DOCK3: variants seen among roughly 807,000 people sequenced by gnomAD.
DOCK3 encodes dedicator of cytokinesis protein 3.
A neutral mutation model predicts 265.6 loss-of-function variants in DOCK3; 60 were observed. The observed-to-expected ratio is 0.23, with a 90% CI of 0.18 to 0.28. DOCK3 has a LOEUF of 0.28. Among genes scored for constraint, DOCK3 ranks in the 10% least tolerant of loss-of-function variants. The pLI is 1.00. For synonymous variants in DOCK3, 881 were observed against 938.0 expected, an observed-to-expected ratio of 0.94 and a Z score of 1.11; for missense variants, 1,981 against 2,594.3, an observed-to-expected ratio of 0.76 and a Z score of 5.14.
intron 4 of DOCK3, among the ~76,000 whole-genome samples, chr3:50,900,313 T>G (rs534415885): frequency 6.6e-6 from 1 of 152,208 alleles, no homozygotes; most frequent in Non-Finnish European, 1.5e-5. Flanking sequence ...TGTGCTGTGT[T>G]TTTTAGTTCC....
At chr3:51,279,814 G>A (rs1465282747) in intron 26 of DOCK3, among the ~76,000 whole-genome samples, 3 of 152,136 alleles carry the variant, frequency 2.0e-5, no homozygotes, top group African/African-American at 7.2e-5. Context: ...GGACTATTTA[G>A]CCAAAACTTT....
At chr3:51,094,537 G>A (rs1359424201) in intron 9 of DOCK3, among the ~76,000 whole-genome samples, 1 of 151,726 alleles carries the variant, frequency 6.6e-6, no homozygotes. Flanking sequence ...TTTTTATTGT[G>A]TCTATTTCAC....
chr3:50,920,861 T>A (rs906018728), intron 4 of DOCK3, among the ~76,000 whole-genome samples: 5 of 152,344 alleles, frequency 3.3e-5, no homozygotes, highest in Admixed American at 2.0e-4. Context: ...TTTTAGATCT[T>A]TCCTGCTTTC....
intron 4 of DOCK3, among the ~76,000 whole-genome samples, chr3:50,921,336 A>G (rs1203500973): frequency 1.3e-5 from 2 of 152,122 alleles, no homozygotes; most frequent in African/African-American, 4.8e-5. Context: ...CCACTTGATC[A>G]AATTGGCTGC....
chr3:50,935,237 C>A (rs150021106), intron 5 of DOCK3, among the ~76,000 whole-genome samples: 1 of 152,100 alleles, frequency 6.6e-6, no homozygotes, highest in Non-Finnish European at 1.5e-5. Flanking sequence ...GAGAACAGCA[C>A]AATAAAAGCT....
chr3:51,321,171 AT>A (rs1325733224), intron 32 of DOCK3, among the ~76,000 whole-genome samples: 1 of 152,154 alleles, frequency 6.6e-6, no homozygotes, highest in African/African-American at 2.4e-5. Context: ...TCCACTGGTG[AT>A]ACCCAGGCAA....
chr3:50,933,935 T>A, intron 4 of DOCK3, 46 bp from the exon 5 acceptor site: 1 of 1,373,576 alleles, frequency 7.3e-7, no homozygotes, highest in Non-Finnish European at 9.9e-7. Context: ...TTTGCCGAGA[T>A]TTTTTTCAGA....
At chr3:51,276,997 G>T (rs1044030614) in intron 25 of DOCK3, among the ~76,000 whole-genome samples, 5 of 152,196 alleles carry the variant, frequency 3.3e-5, no homozygotes, top group South Asian at 2.1e-4. Context: ...TGAGGCTGGA[G>T]TCCTTCAAAT....
intron 1 of DOCK3, among the ~76,000 whole-genome samples, chr3:50,736,278 A>G (rs1421330705): frequency 1.3e-5 from 2 of 151,942 alleles, no homozygotes; most frequent in African/African-American, 4.8e-5. Context: ...TATGTGCCAC[A>G]TTTTCTTAAT....
chr3:50,757,978 A>G (rs930886344), intron 1 of DOCK3, among the ~76,000 whole-genome samples: 10 of 151,992 alleles, frequency 6.6e-5, no homozygotes, highest in East Asian at 3.9e-4. Context: ...AATTGAGACC[A>G]TCCTGGCTAA....
chr3:50,885,511 A>G (rs2048281336), intron 3 of DOCK3, among the ~76,000 whole-genome samples: 1 of 152,132 alleles, frequency 6.6e-6, no homozygotes, highest in East Asian at 1.9e-4. Flanking sequence ...ACCATTTTGC[A>G]TTCGTACCAG....
intron 1 of DOCK3, chr3:50,719,649 G>C: frequency 6.4e-7 from 1 of 1,570,674 alleles, no homozygotes; most frequent in Non-Finnish European, 8.7e-7. Flanking sequence ...GAAAAACTGG[G>C]AACCATTTGT....
rs576020385 is a variant in DOCK3, at chr3:51,070,316, T to G, written c.465-5040T>G. Among the ~76,000 whole-genome samples, 100 of 152,346 alleles carry G rather than the reference T, an allele frequency of 6.6e-4. No homozygotes were observed. The Middle Eastern group carries it at 0.014, about 21-fold the overall frequency. Reference sequence around the variant, plus strand: ...TGATTTTACAACTACTTGTAGCCATTATTACTTATTATAACTTTCACAGTT... The same window carrying G: ...TGATTTTACAACTACTTGTAGCCATGATTACTTATTATAACTTTCACAGTT... On this transcript the variant is annotated intron_variant, in intron 6 of 52. Coordinates refer to ENST00000266037, the MANE Select transcript of DOCK3 (RefSeq NM_004947.5).
chr3:51,339,347 C>T (rs1196773324), intron 37 of DOCK3, among the ~76,000 whole-genome samples: 3 of 152,200 alleles, frequency 2.0e-5, no homozygotes, highest in Non-Finnish European at 4.4e-5. Flanking sequence ...TCAGAGCATC[C>T]TGAGCTCACT....
intron 4 of DOCK3, among the ~76,000 whole-genome samples, chr3:50,933,708 A>G (rs1317874322): frequency 6.6e-6 from 1 of 152,188 alleles, no homozygotes; most frequent in Non-Finnish European, 1.5e-5. Context: ...AAAAAAGCTT[A>G]GAGTCTGTTC....
intron 32 of DOCK3, among the ~76,000 whole-genome samples, chr3:51,321,771 A>G (rs370043735): frequency 6.6e-6 from 1 of 152,176 alleles, no homozygotes; most frequent in Non-Finnish European, 1.5e-5. Flanking sequence ...AGAAGACAAG[A>G]TTAGAGAAAA....
chr3:50,778,623 A>G, intron 1 of DOCK3, 52 bp from the exon 2 acceptor site: 2 of 1,369,706 alleles, frequency 1.5e-6, no homozygotes, highest in African/African-American at 1.4e-5. Flanking sequence ...GACTCTGACC[A>G]TGTCTCAGTG....
intron 2 of DOCK3, among the ~76,000 whole-genome samples, chr3:50,809,971 C>G (rs2043643677): frequency 1.3e-5 from 2 of 151,936 alleles, no homozygotes; most frequent in Admixed American, 1.3e-4. Flanking sequence ...GAGATCTTGT[C>G]TCTACAAAAA....
In DOCK3 at chr3:51,270,979, A is replaced by G; in HGVS notation, c.2520A>G (p.Thr840=). 1 of 1,613,566 alleles carries G rather than the reference A, an allele frequency of 6.2e-7. No homozygotes were observed. The change falls in exon 24 of 53, where the codon ACA becomes ACG. Residue 840 remains threonine, a synonymous_variant. Transcript: ENST00000266037. ...TCAAGCTGCAGTCCATTGCCAGGAC[A>G]GTGGATAGCCGCCTGTTTTCTTTCT... ...DVVKLQSIAR[T]VDSRLFSFSE...
Sources: gnomAD v4.1 joint callset for allele counts (sites outside exome capture counted in the v4.1 genomes callset) on GRCh38, gnomAD v4.1.1 for gene constraint, MANE v1.5 for transcripts, NCBI Gene and HGNC (gene_info 2026-07-23, HGNC 2026-07-21) for gene names.